Variants in OARD1 observed in about 807,000 individuals in gnomAD.
The protein encoded by OARD1 is O-acyl-ADP-ribose deacylase 1, also known as ADP-ribose glycohydrolase OARD1.
A neutral mutation model predicts 19.7 loss-of-function variants in OARD1; 19 were observed. That is an observed-to-expected ratio of 0.96 (90% CI 0.67 to 1.41). The LOEUF is 1.41. Among genes scored for constraint, OARD1 ranks in the 40% most tolerant of loss-of-function variants. The pLI is 0.00. For missense variants in OARD1, 190 were observed against 183.8 expected (o/e 1.03, Z -0.20); for synonymous variants, 70 against 61.8 (o/e 1.13, Z -0.62).
upstream of OARD1, among the ~76,000 whole-genome samples, chr6:41,074,966 T>C (rs1763694068): frequency 6.6e-6 from 1 of 151,540 alleles, no homozygotes; most frequent in South Asian, 2.1e-4. Flanking sequence ...TAAATTCACA[T>C]TTAATGTTAT....
upstream of OARD1, among the ~76,000 whole-genome samples, chr6:41,074,184 GGTT>G (rs1763660603): frequency 6.6e-6 from 1 of 152,020 alleles, no homozygotes; most frequent in South Asian, 2.1e-4. Flanking sequence ...CTCATCTCTT[GGTT>G]TATGTTTTTC....
intron 1 of OARD1, chr6:41,079,101 T>C (rs1763834650): frequency 6.2e-7 from 1 of 1,614,038 alleles, no homozygotes; most frequent in African/African-American, 1.3e-5. Flanking sequence ...TGGAGCAGTA[T>C]ACAGCAAACA....
At chr6:41,072,678 T>G (rs1763535115), upstream of OARD1, 1 of 152,468 alleles carries the variant, frequency 6.6e-6, no homozygotes, top group Non-Finnish European at 1.5e-5. Flanking sequence ...TAGTGGCCAC[T>G]TGGAAAGGGG....
Position 41,066,000 on chromosome 6 carries a change from C to T in OARD1, c.*1335G>A, listed in dbSNP as rs1338246022. 4 of 152,246 alleles carry T rather than the reference C, an allele frequency of 2.6e-5. No homozygotes were observed. Among genetic ancestry groups the T allele is most frequent in the African/African-American group, 9.6e-5 (4 of 41,464 alleles). The allele number at this position is 152,246 out of a possible 1,614,324, so 9.4% of individuals were successfully genotyped here. A position where few individuals can be genotyped will look rare whatever the true frequency, so the allele number is the denominator to read the frequency against. Reference sequence around the variant, plus strand: ...ATGAACTTTATTTTCCTACCATGACCACAATAGACGACTGGTCTTTGCAGC... The same window carrying T: ...ATGAACTTTATTTTCCTACCATGACTACAATAGACGACTGGTCTTTGCAGC... On this transcript the variant is annotated 3_prime_UTR_variant, in exon 6 of 6. Coordinates refer to ENST00000424266, the MANE Select transcript of OARD1 (RefSeq NM_001329686.2).
intron 1 of OARD1, chr6:41,094,528 T>C: frequency 6.4e-7 from 1 of 1,556,074 alleles, no homozygotes; most frequent in African/African-American, 1.4e-5. Context: ...TATTCTTCTC[T>C]TTATTACCTT....
rs767142571 is a variant in OARD1 at position 41,071,181 on chromosome 6, A to G, written c.135T>C (p.Ala45=). The part of the protein sequence containing the change: ...SEDCRMGAGI[A]VLFKKKFGGV... ...CTCCAAATTTCTTCTTAAAGAGGAC[A>G]GCTATCCCAGCGCCCATGCGACAAT... is the stretch of plus-strand genomic sequence containing the variant. Residue 45 remains alanine (A), a synonymous_variant, in exon 3 of 6, where the codon GCT becomes GCC. Coordinates refer to ENST00000424266, the MANE Select transcript of OARD1 (RefSeq NM_001329686.2). 6.2e-7 allele frequency: 1 copy of G among 1,614,260 alleles called. No individual in the cohort carries two copies. Among genetic ancestry groups the G allele is most frequent in the South Asian group, 1.1e-5 (1 of 91,088 alleles).
intron 1 of OARD1, among the ~76,000 whole-genome samples, chr6:41,093,822 G>A (rs1325000795): frequency 1.3e-5 from 2 of 152,202 alleles, no homozygotes; most frequent in African/African-American, 4.8e-5. Flanking sequence ...CCTTCCACTA[G>A]CCGGAATTTA....
intron 1 of OARD1, chr6:41,097,578 G>A: frequency 3.2e-6 from 2 of 631,830 alleles, no homozygotes; most frequent in South Asian, 2.0e-5. Context: ...GCGATGCCTG[G>A]CAAATTGAAG....
upstream of OARD1, among the ~76,000 whole-genome samples, chr6:41,074,397 C>T (rs890941997): frequency 1.3e-5 from 2 of 152,196 alleles, no homozygotes; most frequent in African/African-American, 2.4e-5. Context: ...TGGAAATTGA[C>T]AGGTGAACAG....
At chr6:41,073,395 G>A (rs1763597081), upstream of OARD1, among the ~76,000 whole-genome samples, 1 of 151,952 alleles carries the variant, frequency 6.6e-6, no homozygotes. Context: ...CTCAGGCCCA[G>A]GTTCTCAGGC....
At chr6:41,069,531 CCCA>C in intron 4 of OARD1, 2 of 167,188 alleles carry the variant, frequency 1.2e-5, no homozygotes, top group Non-Finnish European at 2.5e-5. Context: ...CTGTAAGCTA[CCCA>C]CCACCACCAC....
rs147295276 is a variant in OARD1, at chr6:41,065,025, G to C, written c.*2310C>G. ...TTTCCAGGAATAATGTGTTCACTCT[G>C]ATTACCAGGGCATGCCTCCTTTCCT... On this transcript the variant is annotated 3_prime_UTR_variant, in exon 6 of 6. Coordinates refer to ENST00000424266, the MANE Select transcript of OARD1 (RefSeq NM_001329686.2). 6.6e-6 allele frequency: 1 copy of C among 151,958 alleles called. No individual in the cohort carries two copies. Among genetic ancestry groups the C allele is most frequent in the East Asian group, 1.9e-4 (1 of 5,172 alleles). 9.4% of individuals were successfully genotyped at this position (151,958 alleles called of 1,614,324 possible).
At chr6:41,096,671 A>T (rs911721273) in intron 1 of OARD1, among the ~76,000 whole-genome samples, 2 of 152,190 alleles carry the variant, frequency 1.3e-5, no homozygotes, top group Non-Finnish European at 2.9e-5. Context: ...GAGCCTTGGT[A>T]TGGGGGAACT....
chr6:41,094,310 A>G, intron 1 of OARD1: 2 of 1,162,656 alleles, frequency 1.7e-6, no homozygotes, highest in Admixed American at 1.9e-5. Context: ...GCTGTCTTAA[A>G]CTTTGGAGAA....
At chr6:41,084,123 G>C in intron 1 of OARD1, 2 of 1,614,172 alleles carry the variant, frequency 1.2e-6, no homozygotes, top group Non-Finnish European at 1.7e-6. Context: ...TCATGGTCCA[G>C]GCTGTCCCTG....
At chr6:41,078,579 A>C (rs1208049622) in intron 1 of OARD1, among the ~76,000 whole-genome samples, 1 of 152,160 alleles carries the variant, frequency 6.6e-6, no homozygotes, top group Non-Finnish European at 1.5e-5. Context: ...TGGATCTTCA[A>C]CTCTTAAAGT....
intron 1 of OARD1, among the ~76,000 whole-genome samples, chr6:41,084,765 C>A (rs1407160897): frequency 6.6e-6 from 1 of 152,182 alleles, no homozygotes; most frequent in Non-Finnish European, 1.5e-5. Flanking sequence ...GAGTTCAAGA[C>A]CAGCCTGGCC....
intron 1 of OARD1, among the ~76,000 whole-genome samples, chr6:41,081,853 C>T (rs1424752838): frequency 6.6e-6 from 1 of 152,164 alleles, no homozygotes; most frequent in Non-Finnish European, 1.5e-5. Context: ...GGTGTTAAAG[C>T]CACTGTGATA....
In OARD1 at chr6:41,070,142, A is replaced by C. The variant is rs200620969; in HGVS notation, c.185-8T>G. The stretch of plus-strand genomic sequence containing the variant: ...CTTCTCCAGATTTCTTTTCTAAGAA[A>C]AAGTTATTTAATAGTAGAAATGAAA... On this transcript the variant is annotated splice_region_variant and splice_polypyrimidine_tract_variant and intron_variant, in intron 3 of 5. Coordinates refer to ENST00000424266, the MANE Select transcript of OARD1 (RefSeq NM_001329686.2). 17 of 1,450,414 alleles carry C rather than the reference A, an allele frequency of 1.2e-5. No individual in the cohort carries two copies. The East Asian group carries it at 3.9e-4, about 33-fold the overall frequency. The allele number at this position is 1,450,414 out of a possible 1,614,324, so 89.8% of individuals were successfully genotyped here.
Sources: gnomAD v4.1 joint callset for allele counts (sites outside exome capture counted in the v4.1 genomes callset) on GRCh38, gnomAD v4.1.1 for gene constraint, MANE v1.5 for transcripts, NCBI Gene and HGNC (gene_info 2026-07-23, HGNC 2026-07-21) for gene names.